The following SLCO1B3 variants were observed in gnomAD, a reference collection of about 807,000 sequenced individuals.
The protein encoded by SLCO1B3 is liver-specific organic anion transporter 2.
In SLCO1B3, 72 loss-of-function variants were observed where a neutral mutation model predicts 71.8. The ratio of observed to expected loss-of-function variants is 1.00; its 90% confidence interval spans 0.83 to 1.22. The LOEUF is 1.22. Ranked by LOEUF, SLCO1B3 falls within the 50% of genes most tolerant of loss-of-function variation. The pLI, the probability that SLCO1B3 is intolerant of heterozygous loss-of-function variation, is 0.00. For synonymous variants in SLCO1B3, 298 were observed against 278.4 expected, an observed-to-expected ratio of 1.07 and a Z score of -0.70; for missense variants, 911 against 819.7, an observed-to-expected ratio of 1.11 and a Z score of -1.36.
chr12:20,818,047 T>C (rs1864223496), intron 3 of SLCO1B3, among the ~76,000 whole-genome samples: 2 of 151,946 alleles, frequency 1.3e-5, no homozygotes, highest in Admixed American at 6.6e-5. Flanking sequence ...AGACAGAAGA[T>C]AGTAGGGATG....
At chr12:20,815,441 C>T (rs994697988) in intron 2 of SLCO1B3, among the ~76,000 whole-genome samples, 2 of 151,950 alleles carry the variant, frequency 1.3e-5, no homozygotes, top group African/African-American at 4.8e-5. Flanking sequence ...TTTCAAATTT[C>T]TCTCTATGAA....
intron 3 of SLCO1B3, among the ~76,000 whole-genome samples, chr12:20,844,402 A>C (rs1864865990): frequency 1.3e-5 from 2 of 151,582 alleles, no homozygotes; most frequent in Non-Finnish European, 2.9e-5. Context: ...CCCCCTCTCT[A>C]CTAAAATACA....
chr12:20,906,033 C>G (rs139073325), intron 15 of SLCO1B3, among the ~76,000 whole-genome samples: 1,860 of 152,236 alleles, frequency 0.012, 31 homozygotes, highest in Non-Finnish European at 0.016. Flanking sequence ...ACCATCAGAT[C>G]TGGTGAGAAC....
At chr12:20,901,311 A>G in intron 14 of SLCO1B3, 39 bp from the exon 15 acceptor site, 1 of 1,221,600 alleles carries the variant, frequency 8.2e-7, no homozygotes, top group Non-Finnish European at 1.2e-6. Context: ...CATTTGAAGC[A>G]TTTCACTTGG....
intron 3 of SLCO1B3, among the ~76,000 whole-genome samples, chr12:20,842,238 G>A (rs1222246814): frequency 6.6e-6 from 1 of 152,060 alleles, no homozygotes; most frequent in Non-Finnish European, 1.5e-5. Flanking sequence ...TTAGAGGTCA[G>A]TCTTGTTAAT....
rs182118760 is a variant in SLCO1B3, at chr12:20,862,563, C to T, written c.628+5C>T. 1.1e-4 allele frequency: 172 copies of T among 1,590,244 alleles called. No homozygotes were observed. Among genetic ancestry groups the T allele is most frequent in the South Asian group, 7.1e-4 (62 of 87,612 alleles). ...GACATTCTTCCTTGTATTTAGGTAA[C>T]GTACAGAATATATTAAATTTCATGA... On this transcript the variant is annotated splice_donor_5th_base_variant and intron_variant, in intron 7 of 15. Transcript: ENST00000381545.
chr12:20,870,280 T>C (rs1329927224), intron 8 of SLCO1B3, among the ~76,000 whole-genome samples: 1 of 152,136 alleles, frequency 6.6e-6, no homozygotes, highest in Non-Finnish European at 1.5e-5. Flanking sequence ...TTATTCCGTA[T>C]GTTGCCTTTT....
chr12:20,869,061 G>A (rs1263796632), intron 8 of SLCO1B3, among the ~76,000 whole-genome samples: 1 of 152,132 alleles, frequency 6.6e-6, no homozygotes. Flanking sequence ...AGATGGTTAG[G>A]CCTCTGGATA....
chr12:20,864,922 C>G (rs1408325777), intron 8 of SLCO1B3, among the ~76,000 whole-genome samples: 1 of 152,066 alleles, frequency 6.6e-6, no homozygotes, highest in East Asian at 1.9e-4. Context: ...TGTTGGTGCA[C>G]TACTCTCCCC....
chr12:20,827,875 T>C (rs1864460726), intron 3 of SLCO1B3, among the ~76,000 whole-genome samples: 2 of 152,148 alleles, frequency 1.3e-5, no homozygotes, highest in Admixed American at 6.5e-5. Flanking sequence ...AGCTCCAATT[T>C]CTTATGACCT....
Position 20,916,623 on chromosome 12 carries a change from A to G in SLCO1B3, c.*376A>G, listed in dbSNP as rs1866505946. ...AAAAATGAAACACTTTGGATGTATTACTTAGGCCAAAATCTGGCCTGGATT... is the reference window on the plus strand; with the variant it reads ...AAAAATGAAACACTTTGGATGTATTGCTTAGGCCAAAATCTGGCCTGGATT... On this transcript the variant is annotated 3_prime_UTR_variant, in exon 16 of 16. Coordinates refer to ENST00000381545, the MANE Select transcript of SLCO1B3 (RefSeq NM_019844.4). The G allele has an allele frequency of 6.5e-6, 1 of 153,918 alleles. No homozygotes were observed. The highest frequency in any genetic ancestry group is 6.5e-5 in the Admixed American group (1 of 15,406). The allele number at this position is 153,918 out of a possible 1,614,324, so 9.5% of individuals were successfully genotyped here. A position where few individuals can be genotyped will look rare whatever the true frequency, so the allele number is the denominator to read the frequency against.
chr12:20,812,951 C>T (rs925772948), intron 1 of SLCO1B3, among the ~76,000 whole-genome samples: 12 of 152,066 alleles, frequency 7.9e-5, no homozygotes, highest in Admixed American at 2.0e-4. Context: ...CAGAGATATT[C>T]GTGGAAAAAG....
chr12:20,878,028 T>C, intron 10 of SLCO1B3, 92 bp downstream of exon 10: 1 of 840,518 alleles, frequency 1.2e-6, no homozygotes, highest in Non-Finnish European at 1.8e-6. Flanking sequence ...GGTGATTTTA[T>C]ATTTTACTAA....
In SLCO1B3 at chr12:20,916,295, T is replaced by G; in HGVS notation, c.*48T>G. The G allele has an allele frequency of 2.6e-6, 4 of 1,557,350 alleles. No individual in the cohort carries two copies. The highest frequency in any genetic ancestry group is 3.5e-6 in the Non-Finnish European group (4 of 1,141,818). ...GTTATTTTTGAGGTGTTCCTGGTCTTTCACTGACAATTCCAACATTCTTTA... is the reference window on the plus strand; with the variant it reads ...GTTATTTTTGAGGTGTTCCTGGTCTGTCACTGACAATTCCAACATTCTTTA... On this transcript the variant is annotated 3_prime_UTR_variant, in exon 16 of 16. Coordinates refer to ENST00000381545, the MANE Select transcript of SLCO1B3 (RefSeq NM_019844.4).
At chr12:20,880,663 G>A (rs1865672137) in intron 11 of SLCO1B3, among the ~76,000 whole-genome samples, 192 bp from the exon 12 acceptor site, 1 of 151,930 alleles carries the variant, frequency 6.6e-6, no homozygotes, top group Non-Finnish European at 1.5e-5. Flanking sequence ...TACAAAAATT[G>A]CCATTTTGAC....
intron 8 of SLCO1B3, among the ~76,000 whole-genome samples, chr12:20,864,256 C>G (rs1055773045): frequency 6.6e-6 from 1 of 151,818 alleles, no homozygotes; most frequent in Non-Finnish European, 1.5e-5. Context: ...CAAGAGCATG[C>G]CTTTATTGTA....
intron 15 of SLCO1B3, among the ~76,000 whole-genome samples, chr12:20,910,049 G>A (rs61922187): frequency 0.48 from 72,887 of 152,010 alleles, 20,878 homozygotes; most frequent in South Asian, 0.74. Flanking sequence ...AGTCATAACC[G>A]AATCCTAGGT....
intron 3 of SLCO1B3, among the ~76,000 whole-genome samples, chr12:20,854,684 G>A (rs997261788): frequency 6.6e-6 from 1 of 152,134 alleles, no homozygotes; most frequent in Non-Finnish European, 1.5e-5. Flanking sequence ...GTTAGCCAGG[G>A]CTATTCACAT....
chr12:20,839,365 A>G (rs1193430082), intron 3 of SLCO1B3, among the ~76,000 whole-genome samples: 1 of 151,960 alleles, frequency 6.6e-6, no homozygotes, highest in African/African-American at 2.4e-5. Flanking sequence ...AATTCCTTTA[A>G]TTTTTGTTTA....
Sources: allele counts gnomAD v4.1 joint callset (sites outside exome capture counted in the v4.1 genomes callset), GRCh38; gene constraint gnomAD v4.1.1; transcripts MANE v1.5; gene names NCBI Gene and HGNC (gene_info 2026-07-23, HGNC 2026-07-21).